The following MED1 variants were observed in gnomAD, a reference collection of about 807,000 sequenced individuals.
The protein encoded by MED1 is mediator complex subunit 1.
Under a neutral mutation model 121.3 loss-of-function variants are expected in MED1, and 17 were observed. The ratio of observed to expected loss-of-function variants is 0.14; its 90% CI spans 0.10 to 0.21. The LOEUF is 0.21. Ranked by LOEUF, MED1 falls within the 10% of genes least tolerant of loss-of-function variation. MED1 has a pLI of 1.00. For synonymous variants in MED1, 661 were observed against 694.4 expected (o/e 0.95, Z 0.76); for missense variants, 1,558 against 1,919.4 (o/e 0.81, Z 3.52).
intron 13 of MED1, among the ~76,000 whole-genome samples, chr17:39,420,121 T>A (rs1421449608): frequency 6.6e-6 from 1 of 152,144 alleles, no homozygotes; most frequent in African/African-American, 2.4e-5. Context: ...TGCTAGTGAT[T>A]TCCTAACCTA....
intron 6 of MED1, among the ~76,000 whole-genome samples, chr17:39,437,344 T>C (rs1346616479): frequency 6.6e-6 from 1 of 152,078 alleles, no homozygotes; most frequent in Non-Finnish European, 1.5e-5. Context: ...TCCCAAATTG[T>C]TGGGATTATA....
Position 39,406,780 on chromosome 17 carries a change from C to T in MED1, c.*695G>A. On this transcript the variant is annotated 3_prime_UTR_variant, in exon 17 of 17. Transcript: ENST00000300651. ...GCACAAGCTATAAGCTCCCTACCACCATATAAGCCTTGCTCTTCGGCCTTC... is the reference window on the plus strand; with the variant it reads ...GCACAAGCTATAAGCTCCCTACCACTATATAAGCCTTGCTCTTCGGCCTTC... 1.0e-6 allele frequency: 1 copy of T among 985,520 alleles called. No individual in the cohort carries two copies. The highest frequency in any genetic ancestry group is 1.2e-6 in the Non-Finnish European group (1 of 829,926). 61.0% of individuals were successfully genotyped at this position (985,520 alleles called of 1,614,324 possible). A position where few individuals can be genotyped will look rare whatever the true frequency, so the allele number is the denominator to read the frequency against.
At chr17:39,449,476 G>C (rs2144780336) in intron 1 of MED1, among the ~76,000 whole-genome samples, 1 of 150,628 alleles carries the variant, frequency 6.6e-6, no homozygotes, top group East Asian at 2.0e-4. Context: ...CCACTACCTG[G>C]AGCTAATTTT....
At chr17:39,419,640 G>A in intron 14 of MED1, 77 bp downstream of exon 14, 1 of 1,405,932 alleles carries the variant, frequency 7.1e-7, no homozygotes, top group Non-Finnish European at 1.0e-6. Flanking sequence ...AGGTGATTCT[G>A]ATGGGCCACC....
intron 9 of MED1, among the ~76,000 whole-genome samples, chr17:39,428,865 T>C (rs1485825915): frequency 1.3e-5 from 2 of 150,040 alleles, no homozygotes; most frequent in African/African-American, 2.5e-5. Flanking sequence ...GACAGGAGAA[T>C]TGCTTGAACC....
chr17:39,449,451 G>A (rs936886012), intron 1 of MED1, among the ~76,000 whole-genome samples: 1 of 151,864 alleles, frequency 6.6e-6, no homozygotes, highest in Non-Finnish European at 1.5e-5. Context: ...AAGGTGCTGG[G>A]ATTACAGCCT....
chr17:39,409,692 T>C lies in MED1; in HGVS notation c.2529A>G (p.Ala843=), dbSNP rs756827595. 5.6e-6 allele frequency: 9 copies of C among 1,614,160 alleles called. No homozygotes were observed. The East Asian group carries it at 2.0e-4, about 36-fold the overall frequency. The change falls in exon 17 of 17, where the codon GCA becomes GCG. Residue 843 remains alanine (A), a synonymous_variant. Coordinates refer to ENST00000300651, the MANE Select transcript of MED1 (RefSeq NM_004774.4). Reference sequence around the variant, plus strand: ...CACTACTGGGGCTTCCAGCAGCATCTGCAATAAGATCAGCTGGATCAGTGT... The same window carrying C: ...CACTACTGGGGCTTCCAGCAGCATCCGCAATAAGATCAGCTGGATCAGTGT... ...NPYTDPADLI[A]DAAGSPSSDS...
Position 39,440,715 on chromosome 17 carries a change from C to A in MED1, c.212-38G>T. 1 of 1,541,862 alleles carries A rather than the reference C, an allele frequency of 6.5e-7. No individual in the cohort carries two copies. The highest frequency in any genetic ancestry group is 1.2e-5 in the South Asian group (1 of 86,254). On this transcript the variant is annotated intron_variant, in intron 3 of 16. Coordinates refer to ENST00000300651, the MANE Select transcript of MED1 (RefSeq NM_004774.4). The surrounding 1 kb of genome is among the most constrained non-coding windows in gnomAD (Gnocchi z 4.1). ...GAAAAAAGGAGTCACAAAGAATGCTCCAAATGACTTAAATGATATTCTTTT... is the reference window on the plus strand; with the variant it reads ...GAAAAAAGGAGTCACAAAGAATGCTACAAATGACTTAAATGATATTCTTTT...
In MED1 at chr17:39,405,900, G is replaced by A; in HGVS notation, c.*1575C>T. ...TCCACTTACGACATAACACACAAAGGAATCACCTGGCTTTTTTTTTTTAAC... is the reference window on the plus strand; with the variant it reads ...TCCACTTACGACATAACACACAAAGAAATCACCTGGCTTTTTTTTTTTAAC... On this transcript the variant is annotated 3_prime_UTR_variant, in exon 17 of 17. Transcript: ENST00000300651. 1 of 984,970 alleles carries A rather than the reference G, an allele frequency of 1.0e-6. No individual in the cohort carries two copies. The highest frequency in any genetic ancestry group is 1.2e-6 in the Non-Finnish European group (1 of 829,682). The allele number at this position is 984,970 out of a possible 1,614,324, so 61.0% of individuals were successfully genotyped here. A position where few individuals can be genotyped will look rare whatever the true frequency, so the allele number is the denominator to read the frequency against.
intron 2 of MED1, among the ~76,000 whole-genome samples, chr17:39,444,286 A>G (rs1348107895): frequency 6.6e-6 from 1 of 151,980 alleles, no homozygotes; most frequent in East Asian, 1.9e-4. Context: ...AGGCGGGTGG[A>G]TCACGAGGTC....
At chr17:39,422,471 T>G (rs1393656276) in intron 13 of MED1, among the ~76,000 whole-genome samples, 2 of 134,242 alleles carry the variant, frequency 1.5e-5, no homozygotes, top group Non-Finnish European at 3.2e-5. Context: ...CCAGCCTCGT[T>G]TTTTTTTTTT....
Position 39,423,729 on chromosome 17 carries a change from C to A in MED1, c.944G>T (p.Arg315Ile). The A allele has an allele frequency of 6.2e-7, 1 of 1,613,892 alleles. No homozygotes were observed. Among genetic ancestry groups the A allele is most frequent in the Non-Finnish European group, 8.5e-7 (1 of 1,179,964 alleles). Residue 315 changes from arginine to isoleucine, a missense_variant, in exon 12 of 17, where the codon AGA (arginine) becomes ATA (isoleucine). This residue lies in a region of MED1 where 443 missense variants were observed against 532.4 expected (regional missense o/e 0.83). Coordinates refer to ENST00000300651, the MANE Select transcript of MED1 (RefSeq NM_004774.4). ...GTTCTGCAGTTTCTGAACAAATGCT[C>A]TAGATACTGGGATTGGCTGGGGAAA... is the stretch of plus-strand genomic sequence containing the variant. ...LKFPQPIPVS[R>I]AFVQKLQNCT... is the part of the protein sequence containing the mutation.
rs770325224 is a variant in MED1, at chr17:39,408,181, G to A, written c.4040C>T (p.Ser1347Leu). 2 of 1,614,042 alleles carry A rather than the reference G, an allele frequency of 1.2e-6. No individual in the cohort carries two copies. The highest frequency in any genetic ancestry group is 3.3e-5 in the Admixed American group (2 of 60,018). ...SHPMSSKHNM[S>L]GGEFQGKREK... is the part of the protein sequence containing the mutation. ...ACGCTTGCCCTGAAACTCTCCTCCT[G>A]ACATGTTATGTTTGGAGGACATAGG... The change falls in exon 17 of 17, where the codon TCA becomes TTA. Residue 1347 changes from serine to leucine, a missense_variant. Ser to Leu is a moderately radical substitution (Grantham distance 145). Coordinates refer to ENST00000300651, the MANE Select transcript of MED1 (RefSeq NM_004774.4). The surrounding 1 kb of genome is among the most constrained non-coding windows in gnomAD (Gnocchi z 4.7).
chr17:39,435,164 T>C (rs571451943), intron 6 of MED1, among the ~76,000 whole-genome samples: 1 of 152,028 alleles, frequency 6.6e-6, no homozygotes, highest in Admixed American at 6.6e-5. Flanking sequence ...CAAGACTGTG[T>C]GTCAAAAAAA....
At position 39,433,562 on chromosome 17, in the gene MED1, CTTTTTT is replaced by C. The variant is rs1244865722; in HGVS notation, c.500+681_500+686del. Reference sequence around the variant, plus strand: ...ATATATATATACACACATATTTTTTCTTTTTTTTTGAGACAGCATCTCGCTCTGTCA... The same window carrying C: ...ATATATATATACACACATATTTTTTCTTTGAGACAGCATCTCGCTCTGTCA... On this transcript the variant is annotated intron_variant, in intron 7 of 16. Transcript: ENST00000300651. Among the ~76,000 whole-genome samples, 22 of 142,868 alleles carry C rather than the reference CTTTTTT, an allele frequency of 1.5e-4. No individual in the cohort carries two copies. In the East Asian group the frequency reaches 4.5e-3, roughly 29 times the overall value. 93.7% of individuals were successfully genotyped at this position (142,868 alleles called of 152,430 possible). A position where few individuals can be genotyped will look rare whatever the true frequency, so the allele number is the denominator to read the frequency against.
chr17:39,421,098 A>G (rs1463842461), intron 13 of MED1, among the ~76,000 whole-genome samples: 4 of 150,162 alleles, frequency 2.7e-5, no homozygotes, highest in Non-Finnish European at 4.4e-5. Flanking sequence ...TCCCGGCCAC[A>G]TCAGCCTAAT....
chr17:39,409,657 G>C lies in MED1; in HGVS notation c.2564C>G (p.Thr855Ser), dbSNP rs971423015. ...AAGSPSSDSP[T>S]NHFFHDGVDF... ...TACTCCATCATGAAAAAAATGATTG[G>C]TAGGAGAGTCACTACTGGGGCTTCC... Residue 855 changes from threonine (T) to serine (S), a missense_variant, in exon 17 of 17, where the codon ACC (threonine) becomes AGC (serine). By Grantham distance (58) the Thr-to-Ser change is moderately conservative. Coordinates refer to ENST00000300651, the MANE Select transcript of MED1 (RefSeq NM_004774.4). 9 of 1,614,088 alleles carry C rather than the reference G, an allele frequency of 5.6e-6. No homozygotes were observed. Among genetic ancestry groups the C allele is most frequent in the Non-Finnish European group, 7.6e-6 (9 of 1,180,030 alleles).
Position 39,408,226 on chromosome 17 carries a change from C to T in MED1, c.3995G>A (p.Ser1332Asn), listed in dbSNP as rs920656246. The T allele has an allele frequency of 6.2e-7, 1 of 1,614,076 alleles. No individual in the cohort carries two copies. The highest frequency in any genetic ancestry group is 8.5e-7 in the Non-Finnish European group (1 of 1,180,036). Residue 1332 changes from serine to asparagine, a missense_variant, in exon 17 of 17, where the codon AGC becomes AAC. By Grantham distance (46) the Ser-to-Asn change is conservative (BLOSUM62 1). Around this residue, in one of 5 missense-constraint regions of MED1, gnomAD observed 264 missense variants for 326.1 expected, o/e 0.81. Coordinates refer to ENST00000300651, the MANE Select transcript of MED1 (RefSeq NM_004774.4). The surrounding 1 kb of genome is among the most constrained non-coding windows in gnomAD (Gnocchi z 4.7). Reference protein sequence around the residue: ...EDPLDGQMGVSTNSSSHPMSS... With the variant: ...EDPLDGQMGVNTNSSSHPMSS... Reference sequence around the variant, plus strand: ...CATAGGATGGCTGGAAGAATTTGTGCTCACCCCCATCTGGCCGTCCAGTGG... The same window carrying T: ...CATAGGATGGCTGGAAGAATTTGTGTTCACCCCCATCTGGCCGTCCAGTGG...
chr17:39,431,106 A>T lies in MED1; in HGVS notation c.649+9T>A. 1.2e-6 allele frequency: 2 copies of T among 1,604,700 alleles called. No individual in the cohort carries two copies. Among genetic ancestry groups the T allele is most frequent in the Non-Finnish European group, 1.7e-6 (2 of 1,171,866 alleles). The stretch of plus-strand genomic sequence containing the variant: ...CATGTTTCTAAACAAGCAAAATAGG[A>T]TCACGTACCCCCACTCCTTGGTGTG... On this transcript the variant is annotated intron_variant, in intron 9 of 16. Coordinates refer to ENST00000300651, the MANE Select transcript of MED1 (RefSeq NM_004774.4).
Sources: allele counts gnomAD v4.1 joint callset (sites outside exome capture counted in the v4.1 genomes callset), GRCh38; gene constraint gnomAD v4.1.1; regional missense constraint gnomAD v4.1.1; non-coding constraint Gnocchi (gnomAD v3.1); transcripts MANE v1.5; gene names NCBI Gene and HGNC (gene_info 2026-07-23, HGNC 2026-07-21).